Variants in CTDSPL2 observed in about 807,000 individuals in gnomAD.
CTDSPL2 encodes the protein CTD small phosphatase-like protein 2.
CTDSPL2 carries 5 observed loss-of-function variants against 60.0 expected under a neutral mutation model. That is an observed-to-expected ratio of 0.08 (90% CI 0.04 to 0.18). The LOEUF (loss-of-function observed/expected upper bound fraction) is 0.18, where lower values mean the gene tolerates loss of function less well. Ranked by LOEUF, CTDSPL2 falls within the 10% of genes least tolerant of loss-of-function variation. CTDSPL2 has a pLI of 1.00. For missense variants in CTDSPL2, 370 were observed against 548.8 expected, an observed-to-expected ratio of 0.67 and a Z score of 3.26; for synonymous variants, 186 against 189.3, an observed-to-expected ratio of 0.98 and a Z score of 0.14.
chr15:44,511,151 C>G (rs2081559154), intron 8 of CTDSPL2, among the ~76,000 whole-genome samples: 2 of 152,236 alleles, frequency 1.3e-5, no homozygotes, highest in South Asian at 4.2e-4. Flanking sequence ...TGAATCTGTT[C>G]TGAGGATAGG....
chr15:44,524,052 G>A, intron 12 of CTDSPL2, 57 bp from the exon 13 acceptor site: 1 of 1,313,966 alleles, frequency 7.6e-7, no homozygotes, highest in South Asian at 1.2e-5. Flanking sequence ...TGTATGTTAT[G>A]AGGATCATAT....
At chr15:44,437,372 A>T (rs1448308818) in intron 1 of CTDSPL2, among the ~76,000 whole-genome samples, 2 of 152,220 alleles carry the variant, frequency 1.3e-5, no homozygotes, top group African/African-American at 4.8e-5. Context: ...AGACCTTGGG[A>T]GCAGATTATC....
rs565827652 is a variant in CTDSPL2 at position 44,512,905 on chromosome 15, C to T, written c.970-1693C>T. ...AGGACAATGTGGTGAAACCCCATCT[C>T]TACTAAAAATACAAAAATTAGCCAG... On this transcript the variant is annotated intron_variant, in intron 8 of 12. Transcript: ENST00000260327. Among the ~76,000 whole-genome samples, 118 of 151,910 alleles carry T rather than the reference C, an allele frequency of 7.8e-4. 1 individual carries two copies. Among genetic ancestry groups the T allele is most frequent in the Middle Eastern group, 3.4e-3 (1 of 290 alleles).
At chr15:44,467,327 A>G (rs776971147) in intron 2 of CTDSPL2, among the ~76,000 whole-genome samples, 6 of 152,084 alleles carry the variant, frequency 3.9e-5, no homozygotes, top group Non-Finnish European at 7.4e-5. Flanking sequence ...CACTTATTAC[A>G]TTGGTTAGGA....
intron 1 of CTDSPL2, among the ~76,000 whole-genome samples, chr15:44,452,269 C>T (rs541532925): frequency 2.0e-5 from 3 of 151,996 alleles, no homozygotes; most frequent in East Asian, 1.9e-4. Context: ...TTTGTGTCCC[C>T]GATAAAAATT....
chr15:44,484,384 G>A (rs2081082401), intron 3 of CTDSPL2, 22 bp downstream of exon 3: 1 of 1,602,074 alleles, frequency 6.2e-7, no homozygotes, highest in South Asian at 1.1e-5. Flanking sequence ...TTTAGATACT[G>A]TTTTATTTAG....
intron 1 of CTDSPL2, among the ~76,000 whole-genome samples, chr15:44,451,791 C>G (rs1480618210): frequency 6.6e-6 from 1 of 152,208 alleles, no homozygotes; most frequent in Non-Finnish European, 1.5e-5. Flanking sequence ...TATGCAAACA[C>G]TGATGTCTCT....
chr15:44,430,831 G>A (rs1278724328), intron 1 of CTDSPL2, among the ~76,000 whole-genome samples: 2 of 149,126 alleles, frequency 1.3e-5, no homozygotes, highest in Non-Finnish European at 3.0e-5. Flanking sequence ...TTTTTTTTTT[G>A]TTTTTTTGAG....
intron 5 of CTDSPL2, among the ~76,000 whole-genome samples, chr15:44,493,178 G>A (rs2081245092): frequency 6.6e-6 from 1 of 152,140 alleles, no homozygotes. Context: ...TCACTATACA[G>A]TATGGTGAGT....
chr15:44,512,960 T>C (rs1315599796), intron 8 of CTDSPL2, among the ~76,000 whole-genome samples: 1 of 151,744 alleles, frequency 6.6e-6, no homozygotes, highest in Non-Finnish European at 1.5e-5. Flanking sequence ...TAATCCCAGC[T>C]GCTCCGGAGG....
At chr15:44,500,221 G>A (rs2081363775) in intron 8 of CTDSPL2, among the ~76,000 whole-genome samples, 1 of 152,122 alleles carries the variant, frequency 6.6e-6, no homozygotes, top group African/African-American at 2.4e-5. Context: ...TAGTAGTAAT[G>A]TGGTCTGTGA....
intron 2 of CTDSPL2, among the ~76,000 whole-genome samples, chr15:44,467,129 A>G (rs926218120): frequency 2.1e-4 from 32 of 152,218 alleles, no homozygotes; most frequent in Admixed American, 1.9e-3. Flanking sequence ...TGTATGGCAC[A>G]TGATTCTATT....
At chr15:44,478,452 CAAAAAAAAAAAAAA>C (rs61080056) in intron 2 of CTDSPL2, among the ~76,000 whole-genome samples, 7 of 37,998 alleles carry the variant, frequency 1.8e-4, no homozygotes, top group Non-Finnish European at 3.3e-4. Flanking sequence ...GACTCTGTCT[CAAAAAAAAAAAAAA>C]AAAAAAAAAA....
chr15:44,459,445 T>A (rs758760709), intron 2 of CTDSPL2, among the ~76,000 whole-genome samples: 1 of 152,102 alleles, frequency 6.6e-6, no homozygotes, highest in Non-Finnish European at 1.5e-5. Context: ...GAGAATGGCT[T>A]GAACCCTAGG....
At chr15:44,478,490 T>C (rs2080966007) in intron 2 of CTDSPL2, among the ~76,000 whole-genome samples, 1 of 136,264 alleles carries the variant, frequency 7.3e-6, no homozygotes. Flanking sequence ...AAAAGACTCA[T>C]GAGAAGCATA....
intron 1 of CTDSPL2, among the ~76,000 whole-genome samples, chr15:44,445,184 A>G (rs962444199): frequency 1.4e-5 from 2 of 138,108 alleles, no homozygotes; most frequent in Non-Finnish European, 3.1e-5. Flanking sequence ...TAGGTTCCAG[A>G]TTTTTTTTTT....
intron 1 of CTDSPL2, among the ~76,000 whole-genome samples, chr15:44,440,347 C>T (rs1335114857): frequency 6.6e-6 from 1 of 151,828 alleles, no homozygotes; most frequent in Non-Finnish European, 1.5e-5. Flanking sequence ...AGGTGCGCAC[C>T]ACCATGCCTG....
At chr15:44,499,329 C>T (rs1247610887) in intron 7 of CTDSPL2, among the ~76,000 whole-genome samples, 2 of 152,130 alleles carry the variant, frequency 1.3e-5, no homozygotes, top group African/African-American at 4.8e-5. Flanking sequence ...CGTTTGAACC[C>T]AGGAGGTGGA....
chr15:44,505,746 A>G (rs547261976), intron 8 of CTDSPL2, among the ~76,000 whole-genome samples: 112 of 151,830 alleles, frequency 7.4e-4, no homozygotes, highest in Admixed American at 1.8e-3. Flanking sequence ...AAAAAAAAAA[A>G]AAAAGAAAAG....
Sources: gnomAD v4.1 joint callset for allele counts (sites outside exome capture counted in the v4.1 genomes callset) on GRCh38, gnomAD v4.1.1 for gene constraint, MANE v1.5 for transcripts, NCBI Gene and HGNC (gene_info 2026-07-23, HGNC 2026-07-21) for gene names.